The following DLC1 variants were observed in gnomAD, a reference collection of about 807,000 sequenced individuals.
DLC1 encodes DLC1 Rho GTPase activating protein.
A neutral mutation model predicts 140.3 loss-of-function variants in DLC1; 54 were observed. The observed-to-expected ratio is 0.38, with a 90% CI of 0.31 to 0.48. DLC1 has a LOEUF of 0.48. Among genes scored for constraint, DLC1 ranks in the 20% least tolerant of loss-of-function variants. DLC1 has a pLI of 0.96. For missense variants in DLC1, 2,536 were observed against 1,907.0 expected, an observed-to-expected ratio of 1.33 and a Z score of -6.14; for synonymous variants, 986 against 728.1, an observed-to-expected ratio of 1.35 and a Z score of -5.70.
At chr8:13,472,079 G>T (rs946057635) in intron 2 of DLC1, among the ~76,000 whole-genome samples, 2 of 152,180 alleles carry the variant, frequency 1.3e-5, no homozygotes, top group African/African-American at 4.8e-5. Context: ...CACACAGATG[G>T]TAAATAAATT....
At chr8:13,198,614 A>C (rs768394482) in intron 5 of DLC1, among the ~76,000 whole-genome samples, 15 of 152,182 alleles carry the variant, frequency 9.9e-5, no homozygotes, top group Non-Finnish European at 5.9e-5. Flanking sequence ...TCATTCTTCA[A>C]AATGGAAAAT....
At chr8:13,448,375 T>A (rs991027696) in intron 2 of DLC1, among the ~76,000 whole-genome samples, 1 of 150,974 alleles carries the variant, frequency 6.6e-6, no homozygotes, top group Non-Finnish European at 1.5e-5. Context: ...TCTTCTTTTT[T>A]TTTTTTGAGA....
chr8:13,597,824 T>C (rs1439862611), intron 1 of DLC1, among the ~76,000 whole-genome samples: 1 of 152,128 alleles, frequency 6.6e-6, no homozygotes, highest in African/African-American at 2.4e-5. Flanking sequence ...AACAAACTTA[T>C]AGAAACATGC....
chr8:13,582,457 T>C (rs1805139131), intron 1 of DLC1, among the ~76,000 whole-genome samples: 1 of 152,080 alleles, frequency 6.6e-6, no homozygotes, highest in South Asian at 2.1e-4. Context: ...ATGGGCACCG[T>C]TTAATCAGCT....
chr8:13,258,527 G>A (rs1197023808), intron 5 of DLC1, among the ~76,000 whole-genome samples: 3 of 152,098 alleles, frequency 2.0e-5, no homozygotes, highest in African/African-American at 7.2e-5. Context: ...CTTTGGATTG[G>A]GGGGAATTAA....
At chr8:13,582,838 C>A (rs1176233352) in intron 1 of DLC1, among the ~76,000 whole-genome samples, 1 of 137,340 alleles carries the variant, frequency 7.3e-6, no homozygotes, top group Non-Finnish European at 1.5e-5. Flanking sequence ...TTTTTTGCTT[C>A]CCAGTGCATA....
At chr8:13,101,526 A>T (rs1459699583) in intron 8 of DLC1, among the ~76,000 whole-genome samples, 2 of 152,176 alleles carry the variant, frequency 1.3e-5, no homozygotes, top group African/African-American at 2.4e-5. Context: ...TGGCAACTTA[A>T]ATCTCTAGAC....
At chr8:13,453,422 A>ATATTTTTTTTTTTTTTTTTTT (rs1554523043) in intron 2 of DLC1, among the ~76,000 whole-genome samples, 3 of 32,564 alleles carry the variant, frequency 9.2e-5, no homozygotes, top group African/African-American at 4.8e-4. Context: ...ATATATATAT[A>ATATTTTTTTTTTTTTTTTTTT]TGTGTATATA....
intron 4 of DLC1, among the ~76,000 whole-genome samples, chr8:13,363,296 C>G (rs1271068584): frequency 1.3e-5 from 2 of 151,070 alleles, no homozygotes; most frequent in Non-Finnish European, 2.9e-5. Flanking sequence ...TGTTTCTGCA[C>G]TGTGTTCTCA....
rs554570882 is a variant in DLC1 at position 13,349,135 on chromosome 8, C to T, written c.1315-43833G>A. Among the ~76,000 whole-genome samples, 24 of 152,034 alleles carry T rather than the reference C, an allele frequency of 1.6e-4. 1 individual carries two copies. The highest frequency in any genetic ancestry group is 5.5e-4 in the African/African-American group (23 of 41,454). On this transcript the variant is annotated intron_variant, in intron 4 of 17. Transcript: ENST00000276297. Reference sequence around the variant, plus strand: ...GACACTAATCAGATAGGTTGTGGACCCAAGGATGTTGGGCAGAGCTGAGGG... The same window carrying T: ...GACACTAATCAGATAGGTTGTGGACTCAAGGATGTTGGGCAGAGCTGAGGG...
chr8:13,431,081 A>G (rs1322528522), intron 2 of DLC1, among the ~76,000 whole-genome samples: 1 of 152,236 alleles, frequency 6.6e-6, no homozygotes, highest in Non-Finnish European at 1.5e-5. Flanking sequence ...TGAGCTCTTT[A>G]GGTTGTCCTT....
At chr8:13,593,120 C>A (rs577384178) in intron 1 of DLC1, among the ~76,000 whole-genome samples, 1 of 152,068 alleles carries the variant, frequency 6.6e-6, no homozygotes, top group Non-Finnish European at 1.5e-5. Flanking sequence ...CTCACCCCAC[C>A]CAATCTATGT....
At chr8:13,603,750 G>C (rs1245213130) in intron 1 of DLC1, among the ~76,000 whole-genome samples, 4 of 152,014 alleles carry the variant, frequency 2.6e-5, no homozygotes, top group Non-Finnish European at 4.4e-5. Context: ...TTATCCATTA[G>C]TGTTATAGGT....
At chr8:13,153,108 A>C (rs1823955857) in intron 5 of DLC1, among the ~76,000 whole-genome samples, 1 of 152,202 alleles carries the variant, frequency 6.6e-6, no homozygotes, top group African/African-American at 2.4e-5. Context: ...CACTGACTTC[A>C]AGAACGAAGC....
chr8:13,086,147 A>G, intron 17 of DLC1, 143 bp downstream of exon 17: 2 of 1,348,136 alleles, frequency 1.5e-6, no homozygotes, highest in Non-Finnish European at 2.0e-6. Context: ...AACAAACATG[A>G]AATGCTACTT....
At chr8:13,122,091 C>T (rs1034650674) in intron 5 of DLC1, among the ~76,000 whole-genome samples, 2 of 152,146 alleles carry the variant, frequency 1.3e-5, no homozygotes, top group African/African-American at 2.4e-5. Context: ...TCCCTGCCCC[C>T]AACAAATCCG....
chr8:13,354,605 C>G (rs1834834144), intron 4 of DLC1, among the ~76,000 whole-genome samples: 1 of 152,060 alleles, frequency 6.6e-6, no homozygotes, highest in Non-Finnish European at 1.5e-5. Context: ...CGGAATGCCA[C>G]TAATACTTAG....
At chr8:13,234,896 C>T (rs1037122143) in intron 5 of DLC1, among the ~76,000 whole-genome samples, 4 of 151,972 alleles carry the variant, frequency 2.6e-5, no homozygotes, top group South Asian at 2.1e-4. Context: ...ATTTACGAAT[C>T]GTATTATTTT....
chr8:13,281,507 T>C (rs955021615), intron 5 of DLC1, among the ~76,000 whole-genome samples: 1 of 152,214 alleles, frequency 6.6e-6, no homozygotes. Context: ...ATTTCCATTT[T>C]TGTATAATGT....
Sources: gnomAD v4.1 joint callset for allele counts (sites outside exome capture counted in the v4.1 genomes callset) on GRCh38, gnomAD v4.1.1 for gene constraint, MANE v1.5 for transcripts, NCBI Gene and HGNC (gene_info 2026-07-23, HGNC 2026-07-21) for gene names.